The following SMARCC1 variants were observed in gnomAD, a reference collection of about 807,000 sequenced individuals.
SMARCC1 encodes SWI/SNF complex subunit SMARCC1.
Under a neutral mutation model 147.4 loss-of-function variants are expected in SMARCC1, and 43 were observed. That is an observed-to-expected ratio of 0.29 (90% CI 0.23 to 0.38). SMARCC1 has a LOEUF of 0.38. SMARCC1 is among the 10% of genes least tolerant of loss of function. SMARCC1 has a pLI of 1.00. For synonymous variants in SMARCC1, 495 were observed against 484.4 expected (o/e 1.02, Z -0.29); for missense variants, 1,119 against 1,381.1 (o/e 0.81, Z 3.01).
intron 1 of SMARCC1, among the ~76,000 whole-genome samples, chr3:47,776,746 T>G (rs1233727242): frequency 2.0e-5 from 3 of 151,966 alleles, no homozygotes; most frequent in African/African-American, 4.8e-5. Flanking sequence ...TGTAAACATA[T>G]ATGTAAATAT....
chr3:47,691,107 T>G (rs2033783996), intron 12 of SMARCC1, among the ~76,000 whole-genome samples: 1 of 152,210 alleles, frequency 6.6e-6, no homozygotes, highest in Admixed American at 6.5e-5. Flanking sequence ...GGGAAGATAC[T>G]TCTGATAATA....
chr3:47,707,795 C>G (rs1400701845), intron 9 of SMARCC1, among the ~76,000 whole-genome samples: 1 of 152,118 alleles, frequency 6.6e-6, no homozygotes, highest in Non-Finnish European at 1.5e-5. Context: ...GGGAGGATAG[C>G]TTGTGCTCCG....
chr3:47,610,073 G>C lies in SMARCC1; in HGVS notation c.3036C>G (p.Pro1012=). 1 of 1,612,342 alleles carries C rather than the reference G, an allele frequency of 6.2e-7. No individual in the cohort carries two copies. The highest frequency in any genetic ancestry group is 8.5e-7 in the Non-Finnish European group (1 of 1,179,972). Residue 1012 remains proline (P), a synonymous_variant, in exon 26 of 28, where the codon CCC becomes CCG. Transcript: ENST00000254480. ...MHHQMPPPHP[P]QPGQIPGPGS... is the part of the protein sequence containing the mutation. ...GCAGGGCCTTCCTCTTACCTGGCTGGGGTGGATGAGGTGGTGGCATCTGGT... is the reference window on the plus strand; with the variant it reads ...GCAGGGCCTTCCTCTTACCTGGCTGCGGTGGATGAGGTGGTGGCATCTGGT...
intron 18 of SMARCC1, among the ~76,000 whole-genome samples, chr3:47,672,826 T>G (rs1291433731): frequency 2.6e-5 from 4 of 152,158 alleles, no homozygotes; most frequent in African/African-American, 9.7e-5. Flanking sequence ...TCACCCAGGC[T>G]GGAGTGCAGT....
At position 47,727,038 on chromosome 3, in the gene SMARCC1, T is replaced by C. The variant is rs372893769; in HGVS notation, c.646+1987A>G. Among the ~76,000 whole-genome samples the C allele has an allele frequency of 1.3e-4, 20 of 151,634 alleles. No individual in the cohort carries two copies. In the East Asian group the frequency reaches 1.9e-3, roughly 15 times the overall value. ...AAGCCTGTCCAACATGGTGAAACCC[T>C]GTCTCTGCTAAAAATACAAAAAAAA... On this transcript the variant is annotated intron_variant, in intron 6 of 27. Transcript: ENST00000254480.
At chr3:47,714,148 G>A (rs1045396903) in intron 8 of SMARCC1, among the ~76,000 whole-genome samples, 4 of 152,188 alleles carry the variant, frequency 2.6e-5, no homozygotes, top group Non-Finnish European at 4.4e-5. Context: ...CCGATCACCC[G>A]AGGTCGGGAG....
intron 9 of SMARCC1, among the ~76,000 whole-genome samples, chr3:47,709,256 T>C (rs536971650): frequency 6.7e-6 from 1 of 150,162 alleles, no homozygotes; most frequent in African/African-American, 2.5e-5. Context: ...ACGAGACCCC[T>C]TGTCAAGGGA....
chr3:47,706,190 G>C (rs1272680112), intron 10 of SMARCC1, among the ~76,000 whole-genome samples: 1 of 151,392 alleles, frequency 6.6e-6, no homozygotes, highest in Non-Finnish European at 1.5e-5. Context: ...TCCAGCCTCA[G>C]CCTCCCAAGT....
chr3:47,663,788 G>A lies in SMARCC1; in HGVS notation c.1900-1196C>T, dbSNP rs532276845. ...CATAGGTTGCCTGGCCACGGCGGCC[G>A]CCCTCACCTACAGCCTCTATTCCTT... is the stretch of plus-strand genomic sequence containing the variant. On this transcript the variant is annotated intron_variant, in intron 19 of 27. Transcript: ENST00000254480. 4.6e-5 allele frequency: 73 copies of A among 1,578,464 alleles called. No homozygotes were observed. The South Asian group carries it at 5.2e-4, about 11-fold the overall frequency.
chr3:47,612,226 G>A (rs1398997559), intron 25 of SMARCC1, among the ~76,000 whole-genome samples: 1 of 152,196 alleles, frequency 6.6e-6, no homozygotes, highest in East Asian at 1.9e-4. Context: ...AAAAGGTGGG[G>A]TGGGAAATCT....
At chr3:47,594,220 C>A (rs1576381342) in intron 26 of SMARCC1, among the ~76,000 whole-genome samples, 1 of 151,418 alleles carries the variant, frequency 6.6e-6, no homozygotes, top group East Asian at 1.9e-4. Flanking sequence ...CTTTTTAAAG[C>A]AAAGTACATC....
chr3:47,717,856 CAT>C (rs1475751824), intron 7 of SMARCC1, among the ~76,000 whole-genome samples: 1 of 152,024 alleles, frequency 6.6e-6, no homozygotes, highest in Non-Finnish European at 1.5e-5. Flanking sequence ...CATGAGCCAT[CAT>C]GCCCAGCCAT....
chr3:47,771,071 C>A (rs1050987290), intron 2 of SMARCC1, among the ~76,000 whole-genome samples: 1 of 152,058 alleles, frequency 6.6e-6, no homozygotes, highest in Non-Finnish European at 1.5e-5. Flanking sequence ...CCACCACGCC[C>A]GGCTAATTTT....
intron 21 of SMARCC1, among the ~76,000 whole-genome samples, chr3:47,648,464 G>A (rs1278827213): frequency 6.6e-6 from 1 of 152,082 alleles, no homozygotes; most frequent in East Asian, 1.9e-4. Context: ...AGAACTCACT[G>A]CAGCCTCGAA....
chr3:47,779,050 T>C (rs534272973), intron 1 of SMARCC1, among the ~76,000 whole-genome samples: 3 of 146,148 alleles, frequency 2.1e-5, no homozygotes, highest in Non-Finnish European at 4.5e-5. Context: ...AGAAGGTAAA[T>C]AATATCTATC....
chr3:47,603,192 C>G lies in SMARCC1; in HGVS notation c.3043+6874G>C, dbSNP rs1005250219. ...ATCCCAGCACTTTGGGAGGCTGAGG[C>G]GGGTGGATCACCTGAGGTCAGGAGC... On this transcript the variant is annotated intron_variant, in intron 26 of 27. Coordinates refer to ENST00000254480, the MANE Select transcript of SMARCC1 (RefSeq NM_003074.4). 2.0e-5 allele frequency among the ~76,000 whole-genome samples: 3 copies of G among 152,014 alleles called. No individual in the cohort carries two copies. The East Asian group carries it at 5.8e-4, about 29-fold the overall frequency.
At chr3:47,705,323 C>CAAAAAAA (rs754344034) in intron 10 of SMARCC1, among the ~76,000 whole-genome samples, 1 of 103,754 alleles carries the variant, frequency 9.6e-6, no homozygotes, top group Admixed American at 1.1e-4. Flanking sequence ...GACTCCGTCT[C>CAAAAAAA]AAAAAAAAAA....
chr3:47,662,434 G>T lies in SMARCC1; in HGVS notation c.2058C>A (p.Val686=), dbSNP rs748105884. 6 of 1,613,990 alleles carry T rather than the reference G, an allele frequency of 3.7e-6. No individual in the cohort carries two copies. The highest frequency in any genetic ancestry group is 1.7e-5 in the Admixed American group (1 of 60,000). Residue 686 remains valine (V), a synonymous_variant, in exon 20 of 28, where the codon GTC becomes GTA. Coordinates refer to ENST00000254480, the MANE Select transcript of SMARCC1 (RefSeq NM_003074.4). The part of the protein sequence containing the change: ...ASLGPLAYQP[V]PFSQSGNPVM... ...CTGGATTTCCTGACTGACTGAAGGG[G>T]ACAGGCTGGTAGGCCAAAGGCCCAA... is the stretch of plus-strand genomic sequence containing the variant.
chr3:47,627,370 C>T (rs943318777), intron 24 of SMARCC1, among the ~76,000 whole-genome samples: 1 of 151,868 alleles, frequency 6.6e-6, no homozygotes, highest in Non-Finnish European at 1.5e-5. Flanking sequence ...ATGGCTGGGG[C>T]ATTTCCAGGC....
Sources: allele counts gnomAD v4.1 joint callset (sites outside exome capture counted in the v4.1 genomes callset), GRCh38; gene constraint gnomAD v4.1.1; transcripts MANE v1.5; gene names NCBI Gene and HGNC (gene_info 2026-07-23, HGNC 2026-07-21).